Variants in CDH13 observed in about 807,000 individuals in gnomAD.
CDH13 encodes the protein cadherin-13.
A neutral mutation model predicts 63.8 loss-of-function variants in CDH13; 24 were observed. That is an observed-to-expected ratio of 0.38 (90% CI 0.27 to 0.53). The LOEUF (loss-of-function observed/expected upper bound fraction) is 0.53, where lower values mean the gene tolerates loss of function less well. Among genes scored for constraint, CDH13 ranks in the 20% least tolerant of loss-of-function variants. The pLI is 0.85. For missense variants in CDH13, 1,049 were observed against 903.1 expected (o/e 1.16, Z -2.07); for synonymous variants, 503 against 355.3 (o/e 1.42, Z -4.67).
intron 8 of CDH13, among the ~76,000 whole-genome samples, chr16:83,667,892 G>T (rs1471663140): frequency 6.6e-6 from 1 of 151,850 alleles, no homozygotes; most frequent in Non-Finnish European, 1.5e-5. Context: ...TGAATTCCTG[G>T]GCTCAAGTGA....
chr16:83,100,370 T>A (rs2034417602), intron 3 of CDH13, among the ~76,000 whole-genome samples: 1 of 152,124 alleles, frequency 6.6e-6, no homozygotes, highest in Admixed American at 6.5e-5. Context: ...CGAGGTCAAA[T>A]TTCACTGTGT....
chr16:83,226,700 C>A (rs2039849971), intron 5 of CDH13, among the ~76,000 whole-genome samples: 1 of 152,156 alleles, frequency 6.6e-6, no homozygotes, highest in African/African-American at 2.4e-5. Flanking sequence ...AGCCTTAGAC[C>A]CATTTTGTCC....
chr16:83,524,398 C>G (rs576217339), intron 7 of CDH13, among the ~76,000 whole-genome samples: 85 of 149,254 alleles, frequency 5.7e-4, no homozygotes, highest in African/African-American at 2.0e-3. Flanking sequence ...TCCAGCCTGT[C>G]TAGCAGGTGG....
At chr16:83,116,770 C>T (rs1329919266) in intron 3 of CDH13, among the ~76,000 whole-genome samples, 1 of 152,144 alleles carries the variant, frequency 6.6e-6, no homozygotes, top group Non-Finnish European at 1.5e-5. Context: ...TTTCATGGTA[C>T]GTAAATTATA....
At chr16:83,787,417 G>T (rs564975093) in intron 13 of CDH13, among the ~76,000 whole-genome samples, 2 of 152,184 alleles carry the variant, frequency 1.3e-5, no homozygotes, top group African/African-American at 4.8e-5. Context: ...AGCCCACAGC[G>T]TTCCTTGGCT....
At chr16:83,268,947 A>G (rs913314111) in intron 5 of CDH13, among the ~76,000 whole-genome samples, 2 of 117,076 alleles carry the variant, frequency 1.7e-5, no homozygotes, top group Non-Finnish European at 1.9e-5. Context: ...GAGCAGAGAG[A>G]TGGGAGGCTT....
chr16:83,732,270 G>A (rs568552607), intron 10 of CDH13, among the ~76,000 whole-genome samples: 85 of 152,288 alleles, frequency 5.6e-4, no homozygotes, highest in African/African-American at 1.9e-3. Flanking sequence ...CACCTTAGAT[G>A]GGCTGGTTAG....
At chr16:83,108,758 G>A (rs955359223) in intron 3 of CDH13, among the ~76,000 whole-genome samples, 6 of 152,128 alleles carry the variant, frequency 3.9e-5, no homozygotes, top group African/African-American at 1.4e-4. Flanking sequence ...AACACATCAG[G>A]CCAGTCTCTG....
At chr16:83,470,686 A>AG (rs1490583738) in intron 6 of CDH13, among the ~76,000 whole-genome samples, 1 of 152,120 alleles carries the variant, frequency 6.6e-6, no homozygotes, top group African/African-American at 2.4e-5. Context: ...CACCACAACC[A>AG]CAGGCTCAGC....
chr16:82,928,962 C>A (rs1044279105), intron 2 of CDH13, among the ~76,000 whole-genome samples: 3 of 152,178 alleles, frequency 2.0e-5, no homozygotes, highest in Non-Finnish European at 4.4e-5. Context: ...TTCAATATTA[C>A]CAAAGTGCAT....
chr16:83,135,671 T>G (rs867244297), intron 4 of CDH13, among the ~76,000 whole-genome samples: 1 of 152,244 alleles, frequency 6.6e-6, no homozygotes, highest in Non-Finnish European at 1.5e-5. Context: ...ATCCCACTAC[T>G]GGGTATCTAC....
intron 7 of CDH13, among the ~76,000 whole-genome samples, chr16:83,587,008 T>C (rs1296715965): frequency 2.6e-5 from 4 of 152,178 alleles, no homozygotes; most frequent in Admixed American, 6.5e-5. Context: ...TGGGTGTCAT[T>C]TGCTGATTTA....
At position 83,387,335 on chromosome 16, in the gene CDH13, A is replaced by C. The variant is rs1386287037; in HGVS notation, c.781+42329A>C. Among the ~76,000 whole-genome samples the C allele has an allele frequency of 3.3e-5, 5 of 152,288 alleles. No individual in the cohort carries two copies. In the South Asian group the frequency reaches 8.3e-4, roughly 25 times the overall value. On this transcript the variant is annotated intron_variant, in intron 6 of 13. Coordinates refer to ENST00000567109, the MANE Select transcript of CDH13 (RefSeq NM_001257.5). Reference sequence around the variant, plus strand: ...AAGTTCTTATTCTCCACTGAGAACTAATTGCCTGCAGCAGGTTTCGGCTCA... The same window carrying C: ...AAGTTCTTATTCTCCACTGAGAACTCATTGCCTGCAGCAGGTTTCGGCTCA...
intron 1 of CDH13, among the ~76,000 whole-genome samples, chr16:82,795,441 C>T (rs1171673177): frequency 6.6e-6 from 1 of 152,144 alleles, no homozygotes; most frequent in Non-Finnish European, 1.5e-5. Flanking sequence ...GGTCGGGGAA[C>T]CTCAAATTGT....
intron 5 of CDH13, among the ~76,000 whole-genome samples, chr16:83,243,029 T>C (rs1408644732): frequency 6.6e-6 from 1 of 152,172 alleles, no homozygotes; most frequent in Non-Finnish European, 1.5e-5. Flanking sequence ...AACTGCAGGA[T>C]TGACAGGTTA....
intron 3 of CDH13, among the ~76,000 whole-genome samples, chr16:83,038,267 C>A (rs1370666006): frequency 2.0e-5 from 3 of 152,158 alleles, no homozygotes; most frequent in African/African-American, 4.8e-5. Flanking sequence ...CTACTTATGA[C>A]CCTGTCTCAC....
intron 2 of CDH13, among the ~76,000 whole-genome samples, chr16:82,983,238 T>C (rs1910515904): frequency 6.6e-6 from 1 of 152,212 alleles, no homozygotes; most frequent in African/African-American, 2.4e-5. Context: ...GAACACTTTT[T>C]ACTTAGCCTT....
At chr16:82,993,422 A>G (rs139554362) in intron 2 of CDH13, among the ~76,000 whole-genome samples, 1 of 152,324 alleles carries the variant, frequency 6.6e-6, no homozygotes, top group East Asian at 1.9e-4. Context: ...AAAAAAAACA[A>G]AGAATGGTCC....
chr16:82,937,328 A>C (rs1405051167), intron 2 of CDH13, among the ~76,000 whole-genome samples: 2 of 151,594 alleles, frequency 1.3e-5, no homozygotes, highest in African/African-American at 2.4e-5. Flanking sequence ...TTTTCATTGG[A>C]GGTTGGGCGA....
Sources: gnomAD v4.1 joint callset for allele counts (sites outside exome capture counted in the v4.1 genomes callset) on GRCh38, gnomAD v4.1.1 for gene constraint, MANE v1.5 for transcripts, NCBI Gene and HGNC (gene_info 2026-07-23, HGNC 2026-07-21) for gene names.